NOVA1: variants seen among roughly 807,000 people sequenced by gnomAD.
The protein encoded by NOVA1 is RNA-binding protein Nova-1.
Under a neutral mutation model 38.0 loss-of-function variants are expected in NOVA1, and 7 were observed. The observed-to-expected ratio is 0.18, with a 90% CI of 0.10 to 0.35. The LOEUF (loss-of-function observed/expected upper bound fraction) is 0.35. NOVA1 is among the 10% of genes least tolerant of loss of function. The pLI, the probability that NOVA1 is intolerant of heterozygous loss-of-function variation, is 1.00. For missense variants in NOVA1, 460 were observed against 616.0 expected, an observed-to-expected ratio of 0.75 and a Z score of 2.68; for synonymous variants, 270 against 232.5, an observed-to-expected ratio of 1.16 and a Z score of -1.47.
At chr14:26,561,923 T>TA (rs1442069012) in intron 2 of NOVA1, among the ~76,000 whole-genome samples, 2 of 152,128 alleles carry the variant, frequency 1.3e-5, no homozygotes, top group Non-Finnish European at 2.9e-5. Context: ...CCAATTCTTT[T>TA]AAAAAAATAT....
chr14:26,559,416 C>A (rs1475080733), intron 2 of NOVA1, among the ~76,000 whole-genome samples: 1 of 152,040 alleles, frequency 6.6e-6, no homozygotes, highest in East Asian at 1.9e-4. Flanking sequence ...AGGTTAATGC[C>A]ATTCTAAAAT....
intron 2 of NOVA1, among the ~76,000 whole-genome samples, chr14:26,589,867 T>G (rs1228540273): frequency 4.6e-5 from 7 of 151,866 alleles, no homozygotes; most frequent in Non-Finnish European, 8.8e-5. Flanking sequence ...TGCCATATCT[T>G]TAAAGAATAA....
intron 2 of NOVA1, among the ~76,000 whole-genome samples, chr14:26,571,765 C>T (rs980823680): frequency 2.0e-5 from 3 of 152,140 alleles, no homozygotes; most frequent in African/African-American, 4.8e-5. Context: ...CATTAATGGC[C>T]AGTGTAAATC....
chr14:26,448,345 C>T lies in NOVA1; in HGVS notation c.1138G>A (p.Ala380Thr), dbSNP rs984306223. 1 of 1,613,984 alleles carries T rather than the reference C, an allele frequency of 6.2e-7. No homozygotes were observed. Among genetic ancestry groups the T allele is most frequent in the Non-Finnish European group, 8.5e-7 (1 of 1,180,030 alleles). ...AGGCTACCTAATGCAAATGTCCCCGCCGTACCACCAGCTGTGCTGCCACTG... is the reference window on the plus strand; with the variant it reads ...AGGCTACCTAATGCAAATGTCCCCGTCGTACCACCAGCTGTGCTGCCACTG... Reference protein sequence around the residue: ...SASGSTAGGTAGTFALGSLAA... With the variant: ...SASGSTAGGTTGTFALGSLAA... Residue 380 changes from alanine (A) to threonine (T), a missense_variant, in exon 5 of 5, where the codon GCG becomes ACG. By Grantham distance (58) the Ala-to-Thr change is moderately conservative. Transcript: ENST00000539517. The surrounding 1 kb of genome is among the most constrained non-coding windows in gnomAD (Gnocchi z 5.3).
chr14:26,563,400 T>A (rs1891945107), intron 2 of NOVA1, among the ~76,000 whole-genome samples: 1 of 145,388 alleles, frequency 6.9e-6, no homozygotes, highest in South Asian at 2.2e-4. Flanking sequence ...TTTTAGAAAA[T>A]GAAAATAACT....
chr14:26,469,633 A>T (rs1003181725), intron 4 of NOVA1, among the ~76,000 whole-genome samples: 5 of 152,186 alleles, frequency 3.3e-5, no homozygotes, highest in South Asian at 2.1e-4. Flanking sequence ...GTAACACACA[A>T]GACTGGAGAG....
chr14:26,585,897 G>A (rs1486245540), intron 2 of NOVA1, among the ~76,000 whole-genome samples: 1 of 151,300 alleles, frequency 6.6e-6, no homozygotes, highest in Non-Finnish European at 1.5e-5. Flanking sequence ...CATTATTAAA[G>A]TAAACTAGAA....
intron 2 of NOVA1, among the ~76,000 whole-genome samples, chr14:26,578,951 A>T (rs1476346046): frequency 6.6e-6 from 1 of 151,590 alleles, no homozygotes; most frequent in East Asian, 1.9e-4. Flanking sequence ...GAATAAATCC[A>T]TTACCATAAA....
chr14:26,587,308 T>TATAA (rs1555331880), intron 2 of NOVA1, among the ~76,000 whole-genome samples: 2 of 123,704 alleles, frequency 1.6e-5, no homozygotes, highest in Non-Finnish European at 3.3e-5. Context: ...CTAAAATATA[T>TATAA]AAAAAAAAAA....
chr14:26,579,475 A>G (rs1306677233), intron 2 of NOVA1, among the ~76,000 whole-genome samples: 1 of 152,232 alleles, frequency 6.6e-6, no homozygotes, highest in Non-Finnish European at 1.5e-5. Flanking sequence ...TAATCTTATT[A>G]AATTTATTGT....
intron 2 of NOVA1, among the ~76,000 whole-genome samples, chr14:26,577,339 A>G (rs61986557): frequency 0.041 from 6,296 of 152,166 alleles, 193 homozygotes; most frequent in South Asian, 0.1. Context: ...AGGGTTCCCT[A>G]TAACACAAAA....
intron 2 of NOVA1, among the ~76,000 whole-genome samples, chr14:26,569,385 C>T (rs1892334455): frequency 6.6e-6 from 1 of 152,194 alleles, no homozygotes; most frequent in Middle Eastern, 3.4e-3. Context: ...AAAACACAAA[C>T]ATTTTGATTA....
intron 1 of NOVA1, 103 bp downstream of exon 1, chr14:26,597,198 C>A (rs1241981534): frequency 1.1e-6 from 1 of 935,098 alleles, no homozygotes; most frequent in African/African-American, 1.9e-5. Context: ...GTGTCCGGGC[C>A]GCGGGAGGGA....
At chr14:26,594,808 C>T (rs891945274) in intron 2 of NOVA1, among the ~76,000 whole-genome samples, 21 of 152,032 alleles carry the variant, frequency 1.4e-4, no homozygotes, top group African/African-American at 4.6e-4. Flanking sequence ...AAATTTAGCT[C>T]TTAAGTTAAC....
At chr14:26,569,517 T>A (rs1236003789) in intron 2 of NOVA1, among the ~76,000 whole-genome samples, 1 of 152,174 alleles carries the variant, frequency 6.6e-6, no homozygotes, top group African/African-American at 2.4e-5. Flanking sequence ...AACAAAGAAG[T>A]AGATGTGAAT....
chr14:26,591,939 T>C (rs1226921011), intron 2 of NOVA1, among the ~76,000 whole-genome samples: 1 of 151,196 alleles, frequency 6.6e-6, no homozygotes, highest in Non-Finnish European at 1.5e-5. Flanking sequence ...TTAAATGTGA[T>C]ACTAGTTTTA....
intron 2 of NOVA1, among the ~76,000 whole-genome samples, chr14:26,556,351 C>T (rs2138664370): frequency 6.6e-6 from 1 of 152,222 alleles, no homozygotes; most frequent in South Asian, 2.1e-4. Flanking sequence ...CCCACATCAA[C>T]ATAGTCAACT....
At chr14:26,573,086 G>A (rs1401323180) in intron 2 of NOVA1, among the ~76,000 whole-genome samples, 1 of 152,144 alleles carries the variant, frequency 6.6e-6, no homozygotes, top group African/African-American at 2.4e-5. Context: ...TTTACGTGAT[G>A]ATTTCAAGAA....
At chr14:26,555,053 A>G (rs61986532) in intron 2 of NOVA1, among the ~76,000 whole-genome samples, 6,393 of 152,212 alleles carry the variant, frequency 0.042, 196 homozygotes, top group South Asian at 0.097. Flanking sequence ...GTAGATCAAA[A>G]AGGCTCTACA....
Sources: allele counts gnomAD v4.1 joint callset (sites outside exome capture counted in the v4.1 genomes callset), GRCh38; gene constraint gnomAD v4.1.1; non-coding constraint Gnocchi (gnomAD v3.1); transcripts MANE v1.5; gene names NCBI Gene and HGNC (gene_info 2026-07-23, HGNC 2026-07-21).